MED13L: variants seen among roughly 807,000 people sequenced by gnomAD.
MED13L encodes the protein mediator of RNA polymerase II transcription subunit 13-like.
MED13L carries 7 observed loss-of-function variants against 220.9 expected under a neutral mutation model. That is an observed-to-expected ratio of 0.03 (90% CI 0.02 to 0.06). The LOEUF is 0.06. Ranked by LOEUF, MED13L falls within the 10% of genes least tolerant of loss-of-function variation. MED13L has a pLI of 1.00. For missense variants in MED13L, 1,965 were observed against 2,760.5 expected (o/e 0.71, Z 6.46); for synonymous variants, 1,011 against 1,015.2 (o/e 1.00, Z 0.08).
intron 16 of MED13L, among the ~76,000 whole-genome samples, chr12:115,995,008 C>T (rs1450280702): frequency 6.6e-6 from 1 of 152,174 alleles, no homozygotes; most frequent in Non-Finnish European, 1.5e-5. Context: ...ATAATTTTTG[C>T]AAGGCAGGAA....
chr12:116,242,608 A>C (rs1453766993), intron 1 of MED13L, among the ~76,000 whole-genome samples: 1 of 152,128 alleles, frequency 6.6e-6, no homozygotes, highest in African/African-American at 2.4e-5. Flanking sequence ...ATAACCACCA[A>C]CATCATTATT....
chr12:116,227,460 CAA>C (rs928377868), intron 2 of MED13L, among the ~76,000 whole-genome samples: 2 of 152,140 alleles, frequency 1.3e-5, no homozygotes, highest in Non-Finnish European at 2.9e-5. Context: ...CGCCATTTTT[CAA>C]AAAGCATGTG....
At chr12:116,179,173 A>G (rs1235288318) in intron 2 of MED13L, among the ~76,000 whole-genome samples, 1 of 151,836 alleles carries the variant, frequency 6.6e-6, no homozygotes, top group African/African-American at 2.4e-5. Flanking sequence ...AGAACTTCTT[A>G]CCACAAAATA....
Position 115,961,125 on chromosome 12 carries a change from T to TG in MED13L, c.*140dup. 1 of 1,106,522 alleles carries TG rather than the reference T, an allele frequency of 9.0e-7. No homozygotes were observed. The highest frequency in any genetic ancestry group is 1.3e-6 in the Non-Finnish European group (1 of 742,146). 68.5% of individuals were successfully genotyped at this position (1,106,522 alleles called of 1,614,324 possible). ...GAACACTGCAGAATTGACATGTGCCTGCTGAGAAGGAATCACAGTGCAGGA... is the reference window on the plus strand; with the variant it reads ...GAACACTGCAGAATTGACATGTGCCTGGCTGAGAAGGAATCACAGTGCAGGA... On this transcript the variant is annotated 3_prime_UTR_variant, in exon 31 of 31. Coordinates refer to ENST00000281928, the MANE Select transcript of MED13L (RefSeq NM_015335.5).
rs537207957 is a variant in MED13L at position 116,096,354 on chromosome 12, CAAAAAAAAAAAAAA to C, written c.479+301_479+314del. Among the ~76,000 whole-genome samples the C allele has an allele frequency of 5.5e-3, 130 of 23,566 alleles. 3 individuals are homozygous for C. The highest frequency in any genetic ancestry group is 0.014 in the African/African-American group (111 of 7,698). The allele number at this position is 23,566 out of a possible 152,430, so 15.5% of individuals were successfully genotyped here. Reference sequence around the variant, plus strand: ...TGGGTGACAGAGTGAGACACAGCCTCAAAAAAAAAAAAAAAAAAAAAAAAAAAGTCAAAGATGAG... The same window carrying C: ...TGGGTGACAGAGTGAGACACAGCCTCAAAAAAAAAAAAAGTCAAAGATGAG... On this transcript the variant is annotated intron_variant, in intron 4 of 30. Transcript: ENST00000281928.
chr12:116,065,826 C>A (rs1269800713), intron 4 of MED13L, among the ~76,000 whole-genome samples: 1 of 152,174 alleles, frequency 6.6e-6, no homozygotes, highest in Admixed American at 6.5e-5. Flanking sequence ...AGAATGAGTA[C>A]AAATTGCCAC....
chr12:116,191,045 T>C (rs148147157), intron 2 of MED13L, among the ~76,000 whole-genome samples: 2,168 of 149,774 alleles, frequency 0.014, 25 homozygotes, highest in Middle Eastern at 0.051. Context: ...TGAGCAGAGG[T>C]TGCACAACTG....
chr12:116,167,248 T>C (rs1374323467), intron 2 of MED13L, among the ~76,000 whole-genome samples: 1 of 152,138 alleles, frequency 6.6e-6, no homozygotes, highest in Non-Finnish European at 1.5e-5. Flanking sequence ...TACTAGGGTA[T>C]GGAATTGTTG....
At chr12:116,004,825 T>G (rs1052423062) in intron 13 of MED13L, among the ~76,000 whole-genome samples, 5 of 152,216 alleles carry the variant, frequency 3.3e-5, no homozygotes, top group Non-Finnish European at 7.3e-5. Context: ...AGATACATTT[T>G]ATTTTAAAGT....
intron 4 of MED13L, among the ~76,000 whole-genome samples, chr12:116,083,278 C>G (rs930059774): frequency 1.3e-5 from 2 of 151,824 alleles, no homozygotes; most frequent in African/African-American, 4.8e-5. Flanking sequence ...GTGGTACATG[C>G]CTATAATCCC....
rs149651647 is a variant in MED13L, at chr12:115,972,200, G to A, written c.5768C>T (p.Thr1923Ile). The A allele has an allele frequency of 1.0e-4, 162 of 1,613,960 alleles. No homozygotes were observed. In the East Asian group the frequency reaches 3.5e-3, roughly 35 times the overall value. The part of the protein sequence containing the change: ...SILLGECSLQ[T>I]ISKKLKDVCR... ...CACATCCTTGAGCTTTTTGCTGATT[G>A]TCTGTAGTGAACATTCTCCAAGGAG... The change falls in exon 26 of 31, where the codon ACA becomes ATA. Residue 1923 changes from threonine to isoleucine, a missense_variant. Coordinates refer to ENST00000281928, the MANE Select transcript of MED13L (RefSeq NM_015335.5).
chr12:115,979,233 A>G (rs895997060), intron 23 of MED13L, among the ~76,000 whole-genome samples: 8 of 152,226 alleles, frequency 5.3e-5, no homozygotes, highest in African/African-American at 1.4e-4. Flanking sequence ...GAGAAAAACG[A>G]TATTACTCGA....
chr12:116,178,180 G>A (rs965281379), intron 2 of MED13L, among the ~76,000 whole-genome samples: 3 of 152,070 alleles, frequency 2.0e-5, no homozygotes, highest in African/African-American at 7.2e-5. Context: ...AGATACAATT[G>A]TTAATAGAAG....
chr12:116,230,110 G>C (rs1869408331), intron 2 of MED13L, among the ~76,000 whole-genome samples: 1 of 152,120 alleles, frequency 6.6e-6, no homozygotes. Context: ...TGACAAATAT[G>C]AAAGGTAAAG....
At chr12:116,006,753 G>C in intron 11 of MED13L, 1 of 361,124 alleles carries the variant, frequency 2.8e-6, no homozygotes, top group Non-Finnish European at 5.2e-6. Flanking sequence ...TTGGCTTTCT[G>C]GGTCTAGGGA....
chr12:116,262,476 T>G (rs1356646873), intron 1 of MED13L, among the ~76,000 whole-genome samples: 2 of 152,216 alleles, frequency 1.3e-5, no homozygotes, highest in Non-Finnish European at 2.9e-5. Flanking sequence ...CTCTGTGGGT[T>G]CTTAACAGCA....
At chr12:116,138,490 G>A (rs1052866381) in intron 2 of MED13L, among the ~76,000 whole-genome samples, 2 of 152,198 alleles carry the variant, frequency 1.3e-5, no homozygotes, top group Non-Finnish European at 2.9e-5. Flanking sequence ...CAGCGGCCAA[G>A]CTGGAATGCT....
chr12:116,263,383 AAAT>A (rs1341766817), intron 1 of MED13L, among the ~76,000 whole-genome samples: 1 of 152,230 alleles, frequency 6.6e-6, no homozygotes, highest in African/African-American at 2.4e-5. Context: ...TGAAAAACAG[AAAT>A]AATACTTGCC....
At chr12:116,266,974 C>G (rs1445683400) in intron 1 of MED13L, among the ~76,000 whole-genome samples, 1 of 152,188 alleles carries the variant, frequency 6.6e-6, no homozygotes, top group African/African-American at 2.4e-5. Flanking sequence ...AGGGTTGTGA[C>G]ATGTGTGTCA....
Sources: gnomAD v4.1 joint callset for allele counts (sites outside exome capture counted in the v4.1 genomes callset) on GRCh38, gnomAD v4.1.1 for gene constraint, MANE v1.5 for transcripts, NCBI Gene and HGNC (gene_info 2026-07-23, HGNC 2026-07-21) for gene names.